PRKAG2: variants seen among roughly 807,000 people sequenced by gnomAD.
PRKAG2 encodes the protein protein kinase AMP-activated non-catalytic subunit gamma 2.
A neutral mutation model predicts 69.6 loss-of-function variants in PRKAG2; 26 were observed. That is an observed-to-expected ratio of 0.37 (90% CI 0.27 to 0.52). The LOEUF is 0.52. Ranked by LOEUF, PRKAG2 falls within the 20% of genes least tolerant of loss-of-function variation. PRKAG2 has a pLI of 0.90. For missense variants in PRKAG2, 557 were observed against 740.0 expected (o/e 0.75, Z 2.87); for synonymous variants, 293 against 285.0 (o/e 1.03, Z -0.28).
chr7:151,745,883 C>T (rs1415905982), intron 3 of PRKAG2, among the ~76,000 whole-genome samples: 1 of 152,166 alleles, frequency 6.6e-6, no homozygotes, highest in Non-Finnish European at 1.5e-5. Flanking sequence ...CCTGCAGTCG[C>T]TCAGTGTCCA....
intron 1 of PRKAG2, among the ~76,000 whole-genome samples, chr7:151,806,142 T>A (rs2151845091): frequency 6.6e-6 from 1 of 152,248 alleles, no homozygotes; most frequent in East Asian, 1.9e-4. Context: ...TGAGCCAGGA[T>A]CCCACCACTG....
At chr7:151,704,330 T>C (rs891036185) in intron 3 of PRKAG2, among the ~76,000 whole-genome samples, 1 of 152,250 alleles carries the variant, frequency 6.6e-6, no homozygotes, top group African/African-American at 2.4e-5. Context: ...GATTCTAGCA[T>C]CATATGTTTT....
chr7:151,834,012 A>T lies in PRKAG2; in HGVS notation c.114+42495T>A, dbSNP rs116806993. 3.5e-3 allele frequency among the ~76,000 whole-genome samples: 532 copies of T among 152,336 alleles called. 2 individuals are homozygous for T. Among genetic ancestry groups the T allele is most frequent in the African/African-American group, 0.012 (492 of 41,572 alleles). On this transcript the variant is annotated intron_variant, in intron 1 of 15. Coordinates refer to ENST00000287878, the MANE Select transcript of PRKAG2 (RefSeq NM_016203.4). ...GCAGGGATAACAGAATAGTGAATCT[A>T]CTTAAAAAGTTACCTTTGCTAAATA...
intron 3 of PRKAG2, among the ~76,000 whole-genome samples, chr7:151,690,488 C>T (rs1026463512): frequency 2.0e-5 from 3 of 152,172 alleles, no homozygotes; most frequent in African/African-American, 7.2e-5. Context: ...CTGCAGAAGG[C>T]AGGCCGGATA....
Position 151,680,332 on chromosome 7 carries a change from T to A in PRKAG2, c.467-4695A>T, listed in dbSNP as rs182018797. Among the ~76,000 whole-genome samples, 4 of 152,238 alleles carry A rather than the reference T, an allele frequency of 2.6e-5. No homozygotes were observed. The East Asian group carries it at 7.7e-4, about 29-fold the overall frequency. On this transcript the variant is annotated intron_variant, in intron 3 of 15. Transcript: ENST00000287878. The stretch of plus-strand genomic sequence containing the variant: ...GCTCGTCAAGAAGAGGTTAGATAAA[T>A]CATGGCCCATCTGCAGGCACAGGCA...
chr7:151,867,057 G>T (rs1043599520), intron 1 of PRKAG2, among the ~76,000 whole-genome samples: 2 of 152,174 alleles, frequency 1.3e-5, no homozygotes, highest in African/African-American at 4.8e-5. Flanking sequence ...GGGAGGAGGG[G>T]ACGCAAGGAA....
rs141912306 is a variant in PRKAG2, at chr7:151,823,998, G to T, written c.115-37457C>A. ...GGGAAACAGGCATAGAGAGAAAATG[G>T]TGTGTGGGAGGCCCCCAGTTATTCT... On this transcript the variant is annotated intron_variant, in intron 1 of 15. Transcript: ENST00000287878. 6.9e-3 allele frequency among the ~76,000 whole-genome samples: 1,044 copies of T among 152,302 alleles called. 9 individuals are homozygous for T. The highest frequency in any genetic ancestry group is 0.011 in the Non-Finnish European group (720 of 68,032).
At chr7:151,610,927 C>G (rs911577700) in intron 5 of PRKAG2, among the ~76,000 whole-genome samples, 2 of 151,132 alleles carry the variant, frequency 1.3e-5, no homozygotes, top group African/African-American at 4.9e-5. Flanking sequence ...AATTTTTGTA[C>G]TTTTTTTGGT....
intron 1 of PRKAG2, among the ~76,000 whole-genome samples, chr7:151,804,458 T>C (rs1274042139): frequency 6.6e-6 from 1 of 152,264 alleles, no homozygotes; most frequent in Non-Finnish European, 1.5e-5. Context: ...CAGAACAGCA[T>C]GGGGGAAACC....
intron 3 of PRKAG2, among the ~76,000 whole-genome samples, chr7:151,716,158 T>C (rs1796156335): frequency 6.6e-6 from 1 of 152,140 alleles, no homozygotes; most frequent in Non-Finnish European, 1.5e-5. Context: ...AGTTTAAACA[T>C]TTACAACTAT....
intron 1 of PRKAG2, among the ~76,000 whole-genome samples, chr7:151,793,228 T>C (rs1214705509): frequency 6.6e-6 from 1 of 151,950 alleles, no homozygotes; most frequent in East Asian, 1.9e-4. Context: ...GACCAAAGAC[T>C]CTCCACTGCT....
intron 1 of PRKAG2, among the ~76,000 whole-genome samples, chr7:151,854,280 TC>T (rs1327354505): frequency 6.6e-6 from 1 of 152,118 alleles, no homozygotes; most frequent in Admixed American, 6.5e-5. Context: ...ATGCCTCCCT[TC>T]CCCCCACACA....
At chr7:151,707,837 C>G (rs952009841) in intron 3 of PRKAG2, among the ~76,000 whole-genome samples, 2 of 152,170 alleles carry the variant, frequency 1.3e-5, no homozygotes, top group African/African-American at 2.4e-5. Flanking sequence ...GTGCCCAACT[C>G]ACCCCGGGGC....
In PRKAG2 at chr7:151,771,344, G is replaced by A. The variant is rs932916289; in HGVS notation, c.466+9808C>T. On this transcript the variant is annotated intron_variant, in intron 3 of 15. Coordinates refer to ENST00000287878, the MANE Select transcript of PRKAG2 (RefSeq NM_016203.4). The surrounding 1 kb of genome is among the most constrained non-coding windows in gnomAD (Gnocchi z 4.0). ...CTGCTGATGCTTTCAAAATCCCCAC[G>A]TCCCAAACTCAGCACCATTAAATTG... Among the ~76,000 whole-genome samples the A allele has an allele frequency of 6.6e-6, 1 of 152,014 alleles. No individual in the cohort carries two copies. The highest frequency in any genetic ancestry group is 2.4e-5 in the African/African-American group (1 of 41,382).
intron 3 of PRKAG2, among the ~76,000 whole-genome samples, chr7:151,679,821 T>C (rs1489214342): frequency 6.6e-6 from 1 of 151,894 alleles, no homozygotes; most frequent in African/African-American, 2.4e-5. Context: ...CCCCGGCACT[T>C]TGGGAGGCTG....
At chr7:151,727,643 C>T (rs1233536622) in intron 3 of PRKAG2, among the ~76,000 whole-genome samples, 1 of 151,714 alleles carries the variant, frequency 6.6e-6, no homozygotes, top group Non-Finnish European at 1.5e-5. Context: ...TCACTCCAGA[C>T]TGCAGCCACT....
chr7:151,805,923 G>A (rs756805865), intron 1 of PRKAG2, among the ~76,000 whole-genome samples: 5 of 152,226 alleles, frequency 3.3e-5, no homozygotes, highest in Non-Finnish European at 5.9e-5. Context: ...GACAGGCTGG[G>A]CACAGTGGCT....
At chr7:151,865,901 A>T (rs180967146) in intron 1 of PRKAG2, among the ~76,000 whole-genome samples, 2,194 of 151,756 alleles carry the variant, frequency 0.014, 64 homozygotes, top group African/African-American at 0.048. Flanking sequence ...GCGCCCGTAG[A>T]CCCAGCTACT....
In PRKAG2 at chr7:151,838,322, G is replaced by T. The variant is rs533131347; in HGVS notation, c.114+38185C>A. On this transcript the variant is annotated intron_variant, in intron 1 of 15. Coordinates refer to ENST00000287878, the MANE Select transcript of PRKAG2 (RefSeq NM_016203.4). Reference sequence around the variant, plus strand: ...GGACACCCTCGACCCTGCCAGGCTCGGCCCCACAGCCTTGCTCAATCCCCT... The same window carrying T: ...GGACACCCTCGACCCTGCCAGGCTCTGCCCCACAGCCTTGCTCAATCCCCT... 3.9e-5 allele frequency among the ~76,000 whole-genome samples: 6 copies of T among 152,038 alleles called. No homozygotes were observed. In the East Asian group the frequency reaches 1.2e-3, roughly 30 times the overall value.
Sources: gnomAD v4.1 joint callset for allele counts (sites outside exome capture counted in the v4.1 genomes callset) on GRCh38, gnomAD v4.1.1 for gene constraint, Gnocchi (gnomAD v3.1) non-coding constraint, MANE v1.5 for transcripts, NCBI Gene and HGNC (gene_info 2026-07-23, HGNC 2026-07-21) for gene names.